The following ABAT variants were observed in gnomAD, a reference collection of about 807,000 sequenced individuals.
ABAT encodes the protein 4-aminobutyrate aminotransferase.
In ABAT, 45 loss-of-function variants were observed where a neutral mutation model predicts 64.6. That is an observed-to-expected ratio of 0.70 (90% CI 0.55 to 0.89). ABAT has a LOEUF of 0.89. Among genes scored for constraint, ABAT ranks in the 40% least tolerant of loss-of-function variants. The pLI is 0.00. For synonymous variants in ABAT, 297 were observed against 250.5 expected (o/e 1.19, Z -1.75); for missense variants, 633 against 658.4 (o/e 0.96, Z 0.42).
At chr16:8,732,191 T>TA (rs1567291342) in intron 1 of ABAT, among the ~76,000 whole-genome samples, 2 of 6,574 alleles carry the variant, frequency 3.0e-4, no homozygotes, top group African/African-American at 3.9e-4. Context: ...CTTTAGGTTT[T>TA]TTTTGTTTTT....
chr16:8,780,237 T>C (rs893310368), intron 15 of ABAT: 1 of 177,788 alleles, frequency 5.6e-6, no homozygotes, highest in Middle Eastern at 2.6e-3. Flanking sequence ...CCGGGTCGCA[T>C]GGGCCTGCAG....
intron 1 of ABAT, among the ~76,000 whole-genome samples, chr16:8,680,980 A>ATTT (rs1419634061): frequency 2.0e-5 from 2 of 99,630 alleles, no homozygotes; most frequent in African/African-American, 3.3e-5. Context: ...CTTTTTATTT[A>ATTT]TCTATTTTTT....
intron 1 of ABAT, among the ~76,000 whole-genome samples, chr16:8,687,901 C>CTT (rs56028080): frequency 1.4e-5 from 2 of 146,316 alleles, no homozygotes; most frequent in African/African-American, 5.0e-5. Flanking sequence ...GTTGAATGCT[C>CTT]TTTTTTTTTT....
Position 8,764,664 on chromosome 16 carries a change from C to G in ABAT, c.448-74C>G. On this transcript the variant is annotated intron_variant, in intron 7 of 15. Transcript: ENST00000268251. The surrounding 1 kb of genome is among the most constrained non-coding windows in gnomAD (Gnocchi z 4.2). ...CCCCGGTACGGCCCCTGCGAAGATT[C>G]AGCTCCAGCCAGGGGAAGCGGGAGG... 7.2e-7 allele frequency: 1 copy of G among 1,396,066 alleles called. No individual in the cohort carries two copies. The highest frequency in any genetic ancestry group is 1.0e-6 in the Non-Finnish European group (1 of 983,036). 86.5% of individuals were successfully genotyped at this position (1,396,066 alleles called of 1,614,324 possible). A position where few individuals can be genotyped will look rare whatever the true frequency, so the allele number is the denominator to read the frequency against.
intron 1 of ABAT, among the ~76,000 whole-genome samples, chr16:8,685,940 A>C (rs1273349): frequency 0.087 from 13,206 of 152,228 alleles, 706 homozygotes; most frequent in Middle Eastern, 0.14. Flanking sequence ...AGCTGAATGG[A>C]GAGTAGACAG....
Position 8,779,520 on chromosome 16 carries a change from C to T in ABAT, c.1311C>T (p.Gly437=), listed in dbSNP as rs1481554008. Residue 437 remains glycine (G), a synonymous_variant, in exon 15 of 16, where the codon GGC becomes GGT. Coordinates refer to ENST00000268251, the MANE Select transcript of ABAT (RefSeq NM_020686.6). The part of the protein sequence containing the change: ...PQFISRVRGR[G]TFCSFDTPDD... ...TCATCAGCAGGGTGAGAGGACGAGG[C>T]ACCTTTTGCTCCTTCGATACTCCCG... 4 of 1,614,162 alleles carry T rather than the reference C, an allele frequency of 2.5e-6. No homozygotes were observed. The highest frequency in any genetic ancestry group is 3.3e-5 in the Admixed American group (2 of 60,024).
intron 2 of ABAT, chr16:8,736,328 C>A: frequency 5.8e-6 from 1 of 171,402 alleles, no homozygotes; most frequent in South Asian, 1.4e-4. Context: ...AAAACTGTCA[C>A]CATCGCCACC....
rs762237876 is a variant in ABAT at position 8,710,683 on chromosome 16, T to TGAGAGAGAGAGAGAGAGA, written c.-41-25006_-41-25005insGAGAGAGAGAGAGAGAGA. Among the ~76,000 whole-genome samples the TGAGAGAGAGAGAGAGAGA allele has an allele frequency of 5.6e-4, 49 of 87,842 alleles. 3 individuals are homozygous for TGAGAGAGAGAGAGAGAGA. Among genetic ancestry groups the TGAGAGAGAGAGAGAGAGA allele is most frequent in the East Asian group, 1.7e-3 (3 of 1,818 alleles). 57.6% of individuals were successfully genotyped at this position (87,842 alleles called of 152,430 possible). A position where few individuals can be genotyped will look rare whatever the true frequency, so the allele number is the denominator to read the frequency against. ...TGAGTCCAGGAGGTTAAGGCTGCACTGAGAGAGAGACAGAGAGAGAGAGAG... is the reference window on the plus strand; with the variant it reads ...TGAGTCCAGGAGGTTAAGGCTGCACTGAGAGAGAGAGAGAGAGAGAGAGAGAGACAGAGAGAGAGAGAG... On this transcript the variant is annotated intron_variant, in intron 1 of 15. Transcript: ENST00000268251.
At chr16:8,757,918 A>C (rs1195648664) in intron 6 of ABAT, 112 bp downstream of exon 6, 1 of 1,218,086 alleles carries the variant, frequency 8.2e-7, no homozygotes, top group Admixed American at 1.9e-5. Context: ...TTCCATAAAT[A>C]TGTATTGAGC....
chr16:8,705,939 C>G (rs1007924104), intron 1 of ABAT, among the ~76,000 whole-genome samples: 10 of 152,208 alleles, frequency 6.6e-5, no homozygotes, highest in Non-Finnish European at 1.3e-4. Flanking sequence ...GGAATCGCAA[C>G]AATTTGTTTT....
intron 2 of ABAT, 83 bp from the exon 3 acceptor site, chr16:8,745,918 A>T (rs951811024): frequency 1.5e-6 from 2 of 1,334,232 alleles, no homozygotes; most frequent in African/African-American, 2.9e-5. Context: ...TACCTCTGTT[A>T]GGGACATTGG....
At chr16:8,752,955 G>A (rs764821040) in intron 5 of ABAT, among the ~76,000 whole-genome samples, 3 of 152,208 alleles carry the variant, frequency 2.0e-5, no homozygotes, top group Non-Finnish European at 2.9e-5. Context: ...CCACCTTGGA[G>A]TAGGGTCTTC....
At chr16:8,719,450 T>A (rs1037134521) in intron 1 of ABAT, among the ~76,000 whole-genome samples, 1 of 152,182 alleles carries the variant, frequency 6.6e-6, no homozygotes, top group Non-Finnish European at 1.5e-5. Flanking sequence ...GTCTGTTCAT[T>A]TTTCTCTCCA....
chr16:8,714,876 A>G (rs1199713028), intron 1 of ABAT: 1 of 152,516 alleles, frequency 6.6e-6, no homozygotes, highest in Non-Finnish European at 1.5e-5. Flanking sequence ...CCTCAGACAC[A>G]TTGCTGCTGC....
chr16:8,746,606 C>A (rs987263103), intron 3 of ABAT, among the ~76,000 whole-genome samples: 13 of 151,514 alleles, frequency 8.6e-5, no homozygotes, highest in Non-Finnish European at 1.5e-4. Context: ...GTCTTGAAGT[C>A]CTGACCTCAA....
chr16:8,685,291 A>G (rs1359225183), intron 1 of ABAT, among the ~76,000 whole-genome samples: 1 of 151,966 alleles, frequency 6.6e-6, no homozygotes, highest in African/African-American at 2.4e-5. Context: ...CAAAATAACA[A>G]TAATAATGAA....
At position 8,738,976 on chromosome 16, in the gene ABAT, G is replaced by A. The variant is rs186773503; in HGVS notation, c.70+3167G>A. ...TTGCTTTATTTATTTATTTATAAGA[G>A]AAGCATATTAATGTTTACCCATAAT... On this transcript the variant is annotated intron_variant, in intron 2 of 15. Coordinates refer to ENST00000268251, the MANE Select transcript of ABAT (RefSeq NM_020686.6). 1.8e-3 allele frequency among the ~76,000 whole-genome samples: 274 copies of A among 152,270 alleles called. 1 individual carries two copies. Among genetic ancestry groups the A allele is most frequent in the African/African-American group, 6.3e-3 (262 of 41,562 alleles).
intron 5 of ABAT, among the ~76,000 whole-genome samples, chr16:8,753,985 G>A (rs566306140): frequency 6.6e-6 from 1 of 152,114 alleles, no homozygotes; most frequent in South Asian, 2.1e-4. Flanking sequence ...GGCTTGGGCA[G>A]GCAACAGAAA....
chr16:8,754,254 C>T (rs929637123), intron 5 of ABAT, among the ~76,000 whole-genome samples: 5 of 143,562 alleles, frequency 3.5e-5, no homozygotes, highest in Non-Finnish European at 7.5e-5. Context: ...ATTCGGGAGG[C>T]TGAAGTGGGA....
Sources: allele counts gnomAD v4.1 joint callset (sites outside exome capture counted in the v4.1 genomes callset), GRCh38; gene constraint gnomAD v4.1.1; non-coding constraint Gnocchi (gnomAD v3.1); transcripts MANE v1.5; gene names NCBI Gene and HGNC (gene_info 2026-07-23, HGNC 2026-07-21).